Variants in C10orf143 observed in about 807,000 individuals in gnomAD.
The protein encoded by C10orf143 is uncharacterized protein C10orf143.
intron 3 of C10orf143, among the ~76,000 whole-genome samples, chr10:130,037,949 C>T (rs760252521): frequency 2.0e-5 from 3 of 152,326 alleles, no homozygotes; most frequent in East Asian, 1.9e-4. Flanking sequence ...TTCCGGCAGG[C>T]GTCTCCCTCA....
At chr10:130,079,652 G>A in intron 2 of C10orf143, 24 bp from the exon 3 acceptor site, 1 of 398,976 alleles carries the variant, frequency 2.5e-6, no homozygotes. Context: ...CACAGTTGCA[G>A]ATATATCAGA....
chr10:130,080,081 T>C (rs1405651106), intron 1 of C10orf143, among the ~76,000 whole-genome samples, 180 bp from the exon 2 acceptor site: 2 of 152,252 alleles, frequency 1.3e-5, no homozygotes, highest in Non-Finnish European at 2.9e-5. Flanking sequence ...ATCCATTACA[T>C]TTAACCTCAT....
downstream of C10orf143, among the ~76,000 whole-genome samples, chr10:130,063,137 C>T (rs749260005): frequency 6.6e-6 from 1 of 152,128 alleles, no homozygotes; most frequent in Non-Finnish European, 1.5e-5. Flanking sequence ...CTGTTCTCTA[C>T]AAAAGCCAGC....
downstream of C10orf143, among the ~76,000 whole-genome samples, chr10:130,060,438 C>T (rs1214138509): frequency 6.6e-6 from 1 of 152,170 alleles, no homozygotes; most frequent in Non-Finnish European, 1.5e-5. Context: ...TAATGGTATA[C>T]TGTGTAATCA....
At position 130,110,633 on chromosome 10, in the gene C10orf143, G is replaced by A. The variant is rs527546965; in HGVS notation, c.69+71C>T. The stretch of plus-strand genomic sequence containing the variant: ...CAGGCAGGGCCGCGCCGGCAAAAAC[G>A]AGGCGCGGTGGGAACCCGCCCAGGG... On this transcript the variant is annotated intron_variant, in intron 1 of 3. Transcript: ENST00000637128. 2.0e-5 allele frequency: 8 copies of A among 398,362 alleles called. No individual in the cohort carries two copies. The South Asian group carries it at 3.8e-4, about 19-fold the overall frequency. 24.7% of individuals were successfully genotyped at this position (398,362 alleles called of 1,614,324 possible). A position where few individuals can be genotyped will look rare whatever the true frequency, so the allele number is the denominator to read the frequency against.
At chr10:130,108,031 T>G in intron 1 of C10orf143, 1 of 1,490,686 alleles carries the variant, frequency 6.7e-7, no homozygotes, top group Non-Finnish European at 9.4e-7. Flanking sequence ...CCAGTAGAAA[T>G]GACACCAAAG....
At position 130,110,799 on chromosome 10, in the gene C10orf143, C is replaced by A. The variant is rs930138501; in HGVS notation, c.-27G>T. On this transcript the variant is annotated 5_prime_UTR_variant, in exon 1 of 4. It removes an upstream start codon present in the reference 5' UTR. Transcript: ENST00000637128. ...CAGCCCCAGGGTCAAACCCTCCCGG[C>A]ATCTCAGGCCTGGCCGAGGCCCGCG... 4 of 398,774 alleles carry A rather than the reference C, an allele frequency of 1.0e-5. No individual in the cohort carries two copies. Among genetic ancestry groups the A allele is most frequent in the African/African-American group, 2.1e-5 (1 of 48,640 alleles). The allele number at this position is 398,774 out of a possible 1,614,324, so 24.7% of individuals were successfully genotyped here.
At chr10:130,059,360 A>C (rs1409528534), downstream of C10orf143, among the ~76,000 whole-genome samples, 3 of 152,220 alleles carry the variant, frequency 2.0e-5, no homozygotes, top group Non-Finnish European at 4.4e-5. Flanking sequence ...AAACTGGGAA[A>C]AATATTTCCA....
chr10:130,091,911 C>G (rs1387445048), intron 1 of C10orf143, among the ~76,000 whole-genome samples: 4 of 151,974 alleles, frequency 2.6e-5, no homozygotes, highest in Admixed American at 6.6e-5. Flanking sequence ...AAATATGGGA[C>G]CATGTGAAAA....
rs1214633181 is a variant in C10orf143, at chr10:130,050,896, C to T, written c.298-14926G>A. Among the ~76,000 whole-genome samples, 3 of 152,188 alleles carry T rather than the reference C, an allele frequency of 2.0e-5. No homozygotes were observed. In the East Asian group the frequency reaches 5.8e-4, roughly 29 times the overall value. ...CAGGTGTGTGGCCTTGGCCAGTGCC[C>T]CGACTTCCTTGTCTCCAACATGGAT... On this transcript the variant is annotated intron_variant and NMD_transcript_variant, in intron 3 of 5. Coordinates refer to the C10orf143 transcript ENST00000643056.
At chr10:130,046,202 G>A (rs1860670122) in intron 3 of C10orf143, among the ~76,000 whole-genome samples, 1 of 151,564 alleles carries the variant, frequency 6.6e-6, no homozygotes, top group East Asian at 2.0e-4. Context: ...CGCGGGGCGT[G>A]GCGCGGAGTG....
intron 1 of C10orf143, among the ~76,000 whole-genome samples, chr10:130,109,105 T>C (rs901421271): frequency 5.3e-5 from 8 of 152,130 alleles, no homozygotes; most frequent in Non-Finnish European, 1.2e-4. Context: ...GTCACGTCTC[T>C]CTAGTGTCAC....
intron 3 of C10orf143, among the ~76,000 whole-genome samples, chr10:130,057,681 G>C (rs1475425883): frequency 6.6e-6 from 1 of 152,208 alleles, no homozygotes; most frequent in Non-Finnish European, 1.5e-5. Flanking sequence ...ATGGCAGAGG[G>C]CTGGCTTTAA....
At chr10:130,106,767 A>T (rs573373861) in intron 1 of C10orf143, 2 of 1,239,262 alleles carry the variant, frequency 1.6e-6, no homozygotes, top group South Asian at 2.4e-5. Flanking sequence ...GAACTTAATA[A>T]ACAGAAAATA....
chr10:130,093,056 G>C (rs1186411), intron 1 of C10orf143, among the ~76,000 whole-genome samples: 184 of 152,086 alleles, frequency 1.2e-3, no homozygotes, highest in African/African-American at 4.0e-3. Flanking sequence ...CTCAGCTCTC[G>C]ACTAAGCAGA....
chr10:130,097,278 C>A (rs1861477552), intron 1 of C10orf143, among the ~76,000 whole-genome samples: 1 of 152,126 alleles, frequency 6.6e-6, no homozygotes, highest in Non-Finnish European at 1.5e-5. Context: ...GATGGCCAGG[C>A]ATGGGCGCTC....
intron 1 of C10orf143, among the ~76,000 whole-genome samples, chr10:130,090,805 G>T (rs1861369133): frequency 6.6e-6 from 1 of 152,204 alleles, no homozygotes; most frequent in South Asian, 2.1e-4. Flanking sequence ...CCTCCAGGAA[G>T]TTCGAACTGG....
At chr10:130,095,657 T>A (rs1029432820) in intron 1 of C10orf143, among the ~76,000 whole-genome samples, 4 of 152,214 alleles carry the variant, frequency 2.6e-5, no homozygotes, top group African/African-American at 9.6e-5. Context: ...AACCTTCTGA[T>A]CTTTGACAAA....
At chr10:130,039,556 A>C (rs746912064) in intron 3 of C10orf143, among the ~76,000 whole-genome samples, 3 of 152,158 alleles carry the variant, frequency 2.0e-5, no homozygotes, top group Non-Finnish European at 4.4e-5. Flanking sequence ...TGAGTGTTTC[A>C]TGCAGTCTCC....
Sources: gnomAD v4.1 joint callset for allele counts (sites outside exome capture counted in the v4.1 genomes callset) on GRCh38, gnomAD v4.1.1 for gene constraint, MANE v1.5 for transcripts, NCBI Gene and HGNC (gene_info 2026-07-23, HGNC 2026-07-21) for gene names.